Variants in DAB1 observed in about 807,000 individuals in gnomAD.
The protein encoded by DAB1 is DAB adaptor protein 1.
Under a neutral mutation model 64.6 loss-of-function variants are expected in DAB1, and 15 were observed. The ratio of observed to expected loss-of-function variants is 0.23; its 90% CI spans 0.16 to 0.36. The LOEUF is 0.36. Ranked by LOEUF, DAB1 falls within the 10% of genes least tolerant of loss-of-function variation. DAB1 has a pLI of 1.00. For synonymous variants in DAB1, 235 were observed against 251.9 expected (o/e 0.93, Z 0.64); for missense variants, 596 against 706.7 (o/e 0.84, Z 1.78).
rs1408100469 is a variant in DAB1 at position 57,167,995 on chromosome 1, TC to T, written c.68-22567del. Reference sequence around the variant, plus strand: ...AACACTGGAGAGACTTTTGATTTCTTCTTTTCCTTAAAATCCCCCTAGCAGA... The same window carrying T: ...AACACTGGAGAGACTTTTGATTTCTTTTTTCCTTAAAATCCCCCTAGCAGA... On this transcript the variant is annotated intron_variant, in intron 2 of 14. Coordinates refer to ENST00000371236, the MANE Select transcript of DAB1 (RefSeq NM_001365792.1). 2.0e-5 allele frequency among the ~76,000 whole-genome samples: 3 copies of T among 152,314 alleles called. No homozygotes were observed. The East Asian group carries it at 5.8e-4, about 29-fold the overall frequency.
intron 6 of DAB1, among the ~76,000 whole-genome samples, chr1:57,723,758 C>T (rs928353819): frequency 7.2e-5 from 11 of 152,158 alleles, no homozygotes; most frequent in Non-Finnish European, 8.8e-5. Context: ...AGGATAAACC[C>T]ACATGGCTTT....
chr1:58,366,969 T>C (rs1453418881), intron 3 of DAB1, among the ~76,000 whole-genome samples: 1 of 152,252 alleles, frequency 6.6e-6, no homozygotes, highest in East Asian at 1.9e-4. Context: ...TTCTGAAATC[T>C]TGATGAACTT....
chr1:57,667,390 G>A (rs561515598), intron 6 of DAB1, among the ~76,000 whole-genome samples: 1 of 152,170 alleles, frequency 6.6e-6, no homozygotes, highest in South Asian at 2.1e-4. Flanking sequence ...CTCTCCTCCT[G>A]TGTTCTTCTT....
At chr1:57,454,876 A>G (rs1003728665) in intron 7 of DAB1, among the ~76,000 whole-genome samples, 2 of 152,202 alleles carry the variant, frequency 1.3e-5, no homozygotes, top group African/African-American at 4.8e-5. Flanking sequence ...AGAAATCTCT[A>G]TCTTCAAAAA....
intron 6 of DAB1, among the ~76,000 whole-genome samples, chr1:57,699,483 T>C (rs1471020009): frequency 1.3e-5 from 2 of 152,228 alleles, no homozygotes; most frequent in Admixed American, 1.3e-4. Context: ...ATATCCTTGA[T>C]GCTTTCTAAC....
At chr1:58,221,363 T>C (rs918991287) in intron 4 of DAB1, among the ~76,000 whole-genome samples, 6 of 152,188 alleles carry the variant, frequency 3.9e-5, no homozygotes, top group African/African-American at 1.4e-4. Context: ...AAGAGCTGTA[T>C]TGAAAGAAAT....
intron 1 of DAB1, among the ~76,000 whole-genome samples, chr1:57,383,209 G>A (rs989282896): frequency 1.3e-5 from 2 of 152,130 alleles, no homozygotes; most frequent in Non-Finnish European, 2.9e-5. Flanking sequence ...GAAATGACAA[G>A]TTCATTAATT....
intron 1 of DAB1, among the ~76,000 whole-genome samples, chr1:57,345,011 G>A (rs1274635176): frequency 6.6e-6 from 1 of 152,208 alleles, no homozygotes; most frequent in African/African-American, 2.4e-5. Context: ...CCAGGGCAGA[G>A]ACCCAGACAG....
At chr1:57,053,683 TA>T (rs1176985186) in intron 9 of DAB1, among the ~76,000 whole-genome samples, 3 of 92,890 alleles carry the variant, frequency 3.2e-5, no homozygotes, top group African/African-American at 1.1e-4. Context: ...TATATATATA[TA>T]TATATTTTTT....
chr1:57,971,687 T>C (rs1467236333), intron 5 of DAB1, among the ~76,000 whole-genome samples: 2 of 152,216 alleles, frequency 1.3e-5, no homozygotes, highest in Non-Finnish European at 2.9e-5. Context: ...CAAAGGCATA[T>C]AGTTATTTTG....
At chr1:57,842,175 T>A (rs1653083012) in intron 1 of DAB1, among the ~76,000 whole-genome samples, 1 of 152,188 alleles carries the variant, frequency 6.6e-6, no homozygotes, top group African/African-American at 2.4e-5. Flanking sequence ...CAGGGAAAAA[T>A]GCTGCAAGTC....
chr1:57,372,149 T>G (rs1260654794), intron 1 of DAB1, among the ~76,000 whole-genome samples: 2 of 152,198 alleles, frequency 1.3e-5, no homozygotes, highest in African/African-American at 4.8e-5. Flanking sequence ...ATAATAAACA[T>G]TCGCAGGAAT....
At chr1:57,416,726 A>G (rs1684522456) in intron 1 of DAB1, among the ~76,000 whole-genome samples, 1 of 152,192 alleles carries the variant, frequency 6.6e-6, no homozygotes, top group South Asian at 2.1e-4. Context: ...CTTTTTACCC[A>G]AATTAACTTA....
intron 5 of DAB1, among the ~76,000 whole-genome samples, chr1:58,022,584 T>C (rs1646830145): frequency 6.6e-6 from 1 of 152,146 alleles, no homozygotes; most frequent in Admixed American, 6.6e-5. Flanking sequence ...TTGATACCAG[T>C]GGACTGAAAG....
intron 7 of DAB1, among the ~76,000 whole-genome samples, chr1:57,448,601 G>C (rs1686235156): frequency 6.6e-6 from 1 of 152,156 alleles, no homozygotes; most frequent in South Asian, 2.1e-4. Flanking sequence ...TTATGCATCT[G>C]TTACACTCAA....
intron 7 of DAB1, among the ~76,000 whole-genome samples, chr1:57,529,693 A>G (rs1644637977): frequency 6.6e-6 from 1 of 152,180 alleles, no homozygotes; most frequent in Admixed American, 6.5e-5. Flanking sequence ...AATCTGAAAC[A>G]TATATGTACT....
intron 5 of DAB1, among the ~76,000 whole-genome samples, chr1:58,144,876 G>A (rs1395437504): frequency 6.6e-6 from 1 of 152,166 alleles, no homozygotes; most frequent in Non-Finnish European, 1.5e-5. Context: ...TGCTATTCCA[G>A]TCTGTCTCCT....
intron 4 of DAB1, among the ~76,000 whole-genome samples, chr1:58,168,894 G>T (rs2100762530): frequency 6.6e-6 from 1 of 152,236 alleles, no homozygotes; most frequent in East Asian, 1.9e-4. Context: ...TTTCAAGAAT[G>T]CATCAATAAG....
chr1:57,227,714 A>G (rs1368693928), intron 2 of DAB1, among the ~76,000 whole-genome samples: 1 of 151,928 alleles, frequency 6.6e-6, no homozygotes, highest in Non-Finnish European at 1.5e-5. Context: ...GCACCATTAC[A>G]CTGAGCTAAT....
Sources: allele counts gnomAD v4.1 joint callset (sites outside exome capture counted in the v4.1 genomes callset), GRCh38; gene constraint gnomAD v4.1.1; transcripts MANE v1.5; gene names NCBI Gene and HGNC (gene_info 2026-07-23, HGNC 2026-07-21).